Variants in PGM2L1 observed in about 807,000 individuals in gnomAD.
The protein encoded by PGM2L1 is phosphoglucomutase 2 like 1, also known as glucose 1,6-bisphosphate synthase.
PGM2L1 carries 35 observed loss-of-function variants against 73.4 expected under a neutral mutation model. The observed-to-expected ratio is 0.48, with a 90% CI of 0.36 to 0.63. PGM2L1 has a LOEUF of 0.63. Ranked by LOEUF, PGM2L1 falls within the 30% of genes least tolerant of loss-of-function variation. The probability of loss-of-function intolerance (pLI) is 0.00; values close to 1 mark genes in which losing one functional copy is unlikely to be tolerated. For missense variants in PGM2L1, 570 were observed against 742.0 expected (o/e 0.77, Z 2.69); for synonymous variants, 225 against 253.8 (o/e 0.89, Z 1.08).
At chr11:74,342,768 T>A in intron 11 of PGM2L1, 117 bp downstream of exon 11, 2 of 1,382,232 alleles carry the variant, frequency 1.4e-6, no homozygotes, top group South Asian at 1.5e-5. Context: ...TTAATTCACA[T>A]AATTTTAATA....
chr11:74,331,450 C>T lies in PGM2L1; in HGVS notation c.*5202G>A, dbSNP rs1393612746. 1 of 152,304 alleles carries T rather than the reference C, an allele frequency of 6.6e-6. No homozygotes were observed. The highest frequency in any genetic ancestry group is 1.5e-5 in the Non-Finnish European group (1 of 68,234). 9.4% of individuals were successfully genotyped at this position (152,304 alleles called of 1,614,324 possible). ...GCTAATTTTGTATTTTTAGTGGACA[C>T]AGGGTTTCTCCATGTCGGTCAGGCT... On this transcript the variant is annotated 3_prime_UTR_variant, in exon 14 of 14. Coordinates refer to ENST00000298198, the MANE Select transcript of PGM2L1 (RefSeq NM_173582.6).
chr11:74,348,372 A>G (rs1220937995), intron 6 of PGM2L1, among the ~76,000 whole-genome samples: 2 of 152,226 alleles, frequency 1.3e-5, no homozygotes, highest in Non-Finnish European at 2.9e-5. Flanking sequence ...AAACATATGC[A>G]TAGGAAGACA....
rs1862084541 is a variant in PGM2L1 at position 74,335,633 on chromosome 11, A to G, written c.*1019T>C. The G allele has an allele frequency of 6.6e-6, 1 of 151,806 alleles. No homozygotes were observed. The highest frequency in any genetic ancestry group is 2.1e-4 in the South Asian group (1 of 4,822). 9.4% of individuals were successfully genotyped at this position (151,806 alleles called of 1,614,324 possible). A position where few individuals can be genotyped will look rare whatever the true frequency, so the allele number is the denominator to read the frequency against. On this transcript the variant is annotated 3_prime_UTR_variant, in exon 14 of 14. Coordinates refer to ENST00000298198, the MANE Select transcript of PGM2L1 (RefSeq NM_173582.6). Reference sequence around the variant, plus strand: ...CTTCATAAAATAAAAGAATAAATCTACTTACAAAAATGTAATTCAAAAGTT... The same window carrying G: ...CTTCATAAAATAAAAGAATAAATCTGCTTACAAAAATGTAATTCAAAAGTT...
At chr11:74,355,485 C>T (rs921984354) in intron 5 of PGM2L1, 7 of 345,674 alleles carry the variant, frequency 2.0e-5, no homozygotes, top group South Asian at 9.3e-5. Context: ...ACCCGGGAGG[C>T]GGAGCTTGCA....
rs141507382 is a variant in PGM2L1, at chr11:74,351,589, T to C, written c.556-13A>G. 4 of 1,573,034 alleles carry C rather than the reference T, an allele frequency of 2.5e-6. No individual in the cohort carries two copies. Among genetic ancestry groups the C allele is most frequent in the Non-Finnish European group, 3.5e-6 (4 of 1,156,484 alleles). On this transcript the variant is annotated splice_polypyrimidine_tract_variant and intron_variant, in intron 5 of 13. Coordinates refer to ENST00000298198, the MANE Select transcript of PGM2L1 (RefSeq NM_173582.6). ...TTTCCCAGTAAACCTAGATGATAAG[T>C]AAATATAACCATAATTACTTAAAAT...
In PGM2L1 at chr11:74,371,235, C is replaced by T. The variant is rs938780651; in HGVS notation, c.387-249G>A. ...AATTTCCTCTTTTTCCCTCATTCAT[C>T]TTTTGATGGCTCTTTTACTAAGAAA... On this transcript the variant is annotated intron_variant, in intron 3 of 13. Transcript: ENST00000298198. Among the ~76,000 whole-genome samples the T allele has an allele frequency of 5.3e-5, 8 of 152,074 alleles. 1 individual carries two copies. Among genetic ancestry groups the T allele is most frequent in the Non-Finnish European group, 1.0e-4 (7 of 68,002 alleles).
intron 5 of PGM2L1, chr11:74,355,554 A>AAAAAAAAAAAC: frequency 8.9e-6 from 1 of 112,864 alleles, no homozygotes; most frequent in Admixed American, 1.2e-4. Flanking sequence ...ACTCCGTCTC[A>AAAAAAAAAAAC]AAAAAAAAAA....
chr11:74,342,601 GT>G lies in PGM2L1; in HGVS notation c.1491del (p.Pro498LeufsTer51), dbSNP rs762160917. 24 of 1,603,508 alleles carry G rather than the reference GT, an allele frequency of 1.5e-5. No individual in the cohort carries two copies. Among genetic ancestry groups the G allele is most frequent in the Non-Finnish European group, 1.5e-5 (18 of 1,174,322 alleles). ...CTTTCAAATATACTTTTGATGGTAG[GT>G]GGTTCATAACACAAGAAATAGGAAG... ...SKTSYFLCYE[P>X]PTIKSIFERL... On this transcript the variant is annotated frameshift_variant, in exon 12 of 14. Coordinates refer to ENST00000298198, the MANE Select transcript of PGM2L1 (RefSeq NM_173582.6). LOFTEE classifies it high-confidence loss of function.
intron 12 of PGM2L1, among the ~76,000 whole-genome samples, chr11:74,342,213 T>C (rs553499030): frequency 1.3e-5 from 2 of 152,332 alleles, no homozygotes; most frequent in African/African-American, 4.8e-5. Flanking sequence ...TTTAAGTATT[T>C]ACAGGAGCTT....
intron 9 of PGM2L1, among the ~76,000 whole-genome samples, 181 bp from the exon 10 acceptor site, chr11:74,343,597 A>G (rs763491391): frequency 1.3e-5 from 2 of 152,162 alleles, no homozygotes; most frequent in Non-Finnish European, 2.9e-5. Flanking sequence ...ACACACTGCT[A>G]CTACTAATGA....
chr11:74,357,667 A>G (rs1332407097), intron 5 of PGM2L1, among the ~76,000 whole-genome samples: 7 of 152,054 alleles, frequency 4.6e-5, no homozygotes, highest in Non-Finnish European at 5.9e-5. Context: ...CAGCACTCAC[A>G]CTCCTTGGTA....
intron 1 of PGM2L1, among the ~76,000 whole-genome samples, chr11:74,376,099 T>C (rs1862849317): frequency 6.6e-6 from 1 of 152,218 alleles, no homozygotes; most frequent in Non-Finnish European, 1.5e-5. Context: ...AAATTTTAAA[T>C]TGCACATGCC....
intron 1 of PGM2L1, among the ~76,000 whole-genome samples, chr11:74,395,087 A>G (rs1249051138): frequency 6.6e-6 from 1 of 152,226 alleles, no homozygotes; most frequent in Non-Finnish European, 1.5e-5. Flanking sequence ...TACAGTAGAT[A>G]CAATTTCTCC....
At position 74,347,257 on chromosome 11, in the gene PGM2L1, A is replaced by G; in HGVS notation, c.830T>C (p.Phe277Ser). 1.2e-6 allele frequency: 2 copies of G among 1,613,424 alleles called. No homozygotes were observed. The highest frequency in any genetic ancestry group is 1.7e-6 in the Non-Finnish European group (2 of 1,179,612). ...GVGHDYVQLA[F>S]KVFGFKPPIP... ...TGGAGGCTTAAAACCAAACACTTTA[A>G]AAGCCAACTGCACATAGTCATGTCC... Residue 277 changes from phenylalanine (F) to serine (S), a missense_variant, in exon 7 of 14, where the codon TTT becomes TCT. By Grantham distance (155) the Phe-to-Ser change is radical (BLOSUM62 -2). Coordinates refer to ENST00000298198, the MANE Select transcript of PGM2L1 (RefSeq NM_173582.6).
At chr11:74,346,392 G>A (rs1862267534) in intron 8 of PGM2L1, among the ~76,000 whole-genome samples, 1 of 149,738 alleles carries the variant, frequency 6.7e-6, no homozygotes. Context: ...TTCAAAAAAT[G>A]TATAAAGTCA....
At chr11:74,361,081 A>C (rs1862555678) in intron 5 of PGM2L1, among the ~76,000 whole-genome samples, 1 of 152,216 alleles carries the variant, frequency 6.6e-6, no homozygotes, top group African/African-American at 2.4e-5. Context: ...TTGAGATCTG[A>C]GAACGGAGAG....
rs1431151183 is a variant in PGM2L1, at chr11:74,332,777, A to G, written c.*3875T>C. 1.3e-5 allele frequency: 2 copies of G among 152,462 alleles called. No homozygotes were observed. The highest frequency in any genetic ancestry group is 3.8e-4 in the East Asian group (2 of 5,204). 9.4% of individuals were successfully genotyped at this position (152,462 alleles called of 1,614,324 possible). A position where few individuals can be genotyped will look rare whatever the true frequency, so the allele number is the denominator to read the frequency against. On this transcript the variant is annotated 3_prime_UTR_variant, in exon 14 of 14. Coordinates refer to ENST00000298198, the MANE Select transcript of PGM2L1 (RefSeq NM_173582.6). ...GAAATGGGAGGTCTATTTCCTATAT[A>G]AAGACATTCCAAAGTATCCAATCTC...
chr11:74,389,062 T>A (rs77694220), intron 1 of PGM2L1, among the ~76,000 whole-genome samples: 1,896 of 152,282 alleles, frequency 0.012, 28 homozygotes, highest in Middle Eastern at 0.037. Flanking sequence ...AAAGGAAGGA[T>A]GAAAGAATTC....
At position 74,333,001 on chromosome 11, in the gene PGM2L1, C is replaced by A. The variant is rs1591159132; in HGVS notation, c.*3651G>T. 6.6e-6 allele frequency: 1 copy of A among 152,510 alleles called. No homozygotes were observed. The highest frequency in any genetic ancestry group is 1.9e-4 in the East Asian group (1 of 5,190). 9.4% of individuals were successfully genotyped at this position (152,510 alleles called of 1,614,324 possible). On this transcript the variant is annotated 3_prime_UTR_variant, in exon 14 of 14. Coordinates refer to ENST00000298198, the MANE Select transcript of PGM2L1 (RefSeq NM_173582.6). ...ATTCATTGCACTTATGCATCAGTTA[C>A]TCAAAACACACAAAAATTGTTTTGT...
Sources: gnomAD v4.1 joint callset for allele counts (sites outside exome capture counted in the v4.1 genomes callset) on GRCh38, gnomAD v4.1.1 for gene constraint, MANE v1.5 for transcripts, NCBI Gene and HGNC (gene_info 2026-07-23, HGNC 2026-07-21) for gene names.